Variants in ATP8A2 observed in about 807,000 individuals in gnomAD.
ATP8A2 encodes the protein phospholipid-transporting ATPase IB.
A neutral mutation model predicts 165.6 loss-of-function variants in ATP8A2; 100 were observed. That is an observed-to-expected ratio of 0.60 (90% CI 0.51 to 0.71). ATP8A2 has a LOEUF of 0.71. ATP8A2 is among the 30% of genes least tolerant of loss of function. The probability of loss-of-function intolerance (pLI) is 0.00; values close to 1 mark genes in which losing one functional copy is unlikely to be tolerated. For synonymous variants in ATP8A2, 543 were observed against 548.8 expected, an observed-to-expected ratio of 0.99 and a Z score of 0.15; for missense variants, 1,227 against 1,479.5, an observed-to-expected ratio of 0.83 and a Z score of 2.80.
chr13:25,411,480 C>T (rs1416579685), intron 1 of ATP8A2, among the ~76,000 whole-genome samples: 2 of 152,166 alleles, frequency 1.3e-5, no homozygotes, highest in African/African-American at 4.8e-5. Flanking sequence ...ATTATAGTCC[C>T]TGCCAATCTC....
intron 24 of ATP8A2, among the ~76,000 whole-genome samples, chr13:25,596,995 A>G (rs566171189): frequency 3.3e-5 from 5 of 152,178 alleles, no homozygotes; most frequent in South Asian, 4.1e-4. Flanking sequence ...TTTAAGTTAT[A>G]TTTCCCTGAT....
At chr13:25,997,893 A>G (rs1053469173) in intron 35 of ATP8A2, among the ~76,000 whole-genome samples, 19 of 152,230 alleles carry the variant, frequency 1.2e-4, no homozygotes, top group African/African-American at 4.1e-4. Context: ...TTGTCAGACA[A>G]TTCCACTGTT....
intron 2 of ATP8A2, among the ~76,000 whole-genome samples, chr13:25,503,015 G>A (rs1308847569): frequency 2.0e-5 from 3 of 152,164 alleles, no homozygotes; most frequent in South Asian, 2.1e-4. Flanking sequence ...CTGTCCAGCC[G>A]AGAGTGCTGT....
At chr13:26,004,194 C>G (rs1343527483) in intron 35 of ATP8A2, among the ~76,000 whole-genome samples, 1 of 152,064 alleles carries the variant, frequency 6.6e-6, no homozygotes, top group East Asian at 1.9e-4. Context: ...ATTATTTCAT[C>G]AGTGTTTTGT....
intron 24 of ATP8A2, among the ~76,000 whole-genome samples, chr13:25,597,763 A>G (rs930316989): frequency 2.0e-5 from 3 of 152,186 alleles, no homozygotes; most frequent in African/African-American, 7.2e-5. Context: ...GATGATAAAT[A>G]TGTGTGGTAT....
chr13:25,690,303 C>T (rs939285743), intron 24 of ATP8A2, among the ~76,000 whole-genome samples: 1 of 151,994 alleles, frequency 6.6e-6, no homozygotes. Context: ...CCAGTTTTCT[C>T]TTATGCATCT....
intron 2 of ATP8A2, among the ~76,000 whole-genome samples, chr13:25,509,582 G>T (rs1566199183): frequency 6.6e-6 from 1 of 151,818 alleles, no homozygotes; most frequent in African/African-American, 2.4e-5. Context: ...AATATGTTGT[G>T]TTTTTTTCAT....
At chr13:25,938,595 A>G (rs1253192255) in intron 33 of ATP8A2, among the ~76,000 whole-genome samples, 2 of 152,168 alleles carry the variant, frequency 1.3e-5, no homozygotes, top group African/African-American at 4.8e-5. Context: ...TGCTAACAGG[A>G]CACGGAATGG....
chr13:25,541,294 T>G (rs944499285), intron 8 of ATP8A2, among the ~76,000 whole-genome samples: 1 of 152,176 alleles, frequency 6.6e-6, no homozygotes, highest in Non-Finnish European at 1.5e-5. Flanking sequence ...ATATTTGCTT[T>G]AGACTTTTTT....
chr13:25,507,194 T>G (rs1023996218), intron 2 of ATP8A2, among the ~76,000 whole-genome samples: 1 of 149,160 alleles, frequency 6.7e-6, no homozygotes, highest in Non-Finnish European at 1.5e-5. Flanking sequence ...TAAAGTGGGG[T>G]GGGTAATTGT....
intron 1 of ATP8A2, among the ~76,000 whole-genome samples, chr13:25,399,163 G>A (rs73168551): frequency 0.035 from 5,386 of 152,152 alleles, 116 homozygotes; most frequent in Non-Finnish European, 0.049. Flanking sequence ...GGGGACTGCT[G>A]GGTATGGCAG....
chr13:25,390,872 C>T (rs1384936406), intron 1 of ATP8A2, among the ~76,000 whole-genome samples: 1 of 151,646 alleles, frequency 6.6e-6, no homozygotes, highest in Non-Finnish European at 1.5e-5. Flanking sequence ...TTGCAGTGAG[C>T]CGAGATCATG....
intron 1 of ATP8A2, among the ~76,000 whole-genome samples, chr13:25,399,068 A>G (rs1566104549): frequency 6.6e-6 from 1 of 152,188 alleles, no homozygotes; most frequent in Non-Finnish European, 1.5e-5. Flanking sequence ...TGGCAGAAGC[A>G]CGATCCCAGA....
chr13:25,492,814 T>C lies in ATP8A2; in HGVS notation c.221+23693T>C, dbSNP rs112739093. Among the ~76,000 whole-genome samples the C allele has an allele frequency of 5.4e-3, 830 of 152,304 alleles. 7 individuals are homozygous for C. The highest frequency in any genetic ancestry group is 0.019 in the African/African-American group (807 of 41,576). On this transcript the variant is annotated intron_variant, in intron 2 of 36. Coordinates refer to ENST00000381655, the MANE Select transcript of ATP8A2 (RefSeq NM_016529.6). The stretch of plus-strand genomic sequence containing the variant: ...TTATTACAGTGACCGCAGCCCCTGC[T>C]GTTTGGAGTGTCTGAGGCAGGTGGG...
intron 33 of ATP8A2, among the ~76,000 whole-genome samples, chr13:25,911,996 T>G (rs143926842): frequency 1.3e-5 from 2 of 152,282 alleles, no homozygotes; most frequent in African/African-American, 4.8e-5. Context: ...TGTCATATGA[T>G]CCAACAATCC....
At chr13:26,017,981 A>C (rs775747607) in intron 36 of ATP8A2, among the ~76,000 whole-genome samples, 1 of 152,162 alleles carries the variant, frequency 6.6e-6, no homozygotes, top group African/African-American at 2.4e-5. Flanking sequence ...CCCCCTGTGG[A>C]AGATTCCTCT....
intron 33 of ATP8A2, among the ~76,000 whole-genome samples, chr13:25,942,732 G>A (rs189357939): frequency 1.3e-5 from 2 of 152,112 alleles, no homozygotes; most frequent in South Asian, 2.1e-4. Context: ...CCAACTTATC[G>A]ATTTTCTTTC....
chr13:25,858,022 AG>A (rs1171121807), intron 30 of ATP8A2, among the ~76,000 whole-genome samples: 1 of 152,242 alleles, frequency 6.6e-6, no homozygotes, highest in Non-Finnish European at 1.5e-5. Context: ...GGCATAAAAT[AG>A]GCTGTAAGTA....
intron 2 of ATP8A2, among the ~76,000 whole-genome samples, chr13:25,498,918 G>T (rs886256780): frequency 2.0e-5 from 3 of 152,152 alleles, no homozygotes; most frequent in Non-Finnish European, 4.4e-5. Flanking sequence ...TCGGTGGCAG[G>T]ATACTGAGTC....
Sources: allele counts gnomAD v4.1 joint callset (sites outside exome capture counted in the v4.1 genomes callset), GRCh38; gene constraint gnomAD v4.1.1; transcripts MANE v1.5; gene names NCBI Gene and HGNC (gene_info 2026-07-23, HGNC 2026-07-21).